Variants in CYTH1 observed in about 807,000 individuals in gnomAD.
The protein encoded by CYTH1 is cytohesin 1, also known as cytohesin-1.
Under a neutral mutation model 61.8 loss-of-function variants are expected in CYTH1, and 18 were observed. The ratio of observed to expected loss-of-function variants is 0.29; its 90% CI spans 0.20 to 0.43. CYTH1 has a LOEUF of 0.43. Ranked by LOEUF, CYTH1 falls within the 20% of genes least tolerant of loss-of-function variation. The probability of loss-of-function intolerance (pLI) is 1.00; values close to 1 mark genes in which losing one functional copy is unlikely to be tolerated. For missense variants in CYTH1, 336 were observed against 510.5 expected, an observed-to-expected ratio of 0.66 and a Z score of 3.29; for synonymous variants, 174 against 184.3, an observed-to-expected ratio of 0.94 and a Z score of 0.45.
chr17:78,761,382 G>A (rs571624025), intron 1 of CYTH1, among the ~76,000 whole-genome samples: 5 of 152,164 alleles, frequency 3.3e-5, no homozygotes, highest in African/African-American at 1.2e-4. Context: ...CCTTGGGAAC[G>A]TGATAATACA....
chr17:78,753,061 AGT>A lies in CYTH1; in HGVS notation c.22+29139_22+29140del, dbSNP rs371696356. 3.2e-3 allele frequency among the ~76,000 whole-genome samples: 480 copies of A among 152,278 alleles called. 1 individual carries two copies. Among genetic ancestry groups the A allele is most frequent in the African/African-American group, 0.011 (442 of 41,556 alleles). On this transcript the variant is annotated intron_variant, in intron 1 of 13. Transcript: ENST00000446868. ...CCCAAAGTCTTAAGGCACATGTATG[AGT>A]GAGTGTAGGGCAGGGTGGGAGAGGG... is the stretch of plus-strand genomic sequence containing the variant.
intron 1 of CYTH1, chr17:78,736,724 T>C: frequency 2.3e-6 from 1 of 425,884 alleles, no homozygotes; most frequent in South Asian, 1.7e-5. Context: ...GACCATCTTG[T>C]TTCCTTACAG....
intron 1 of CYTH1, among the ~76,000 whole-genome samples, chr17:78,724,684 C>T (rs1165692366): frequency 6.6e-6 from 1 of 152,170 alleles, no homozygotes; most frequent in Non-Finnish European, 1.5e-5. Context: ...GGTGGAAATC[C>T]TAAAAACACT....
intron 10 of CYTH1, among the ~76,000 whole-genome samples, chr17:78,695,772 C>A (rs2092932008): frequency 1.3e-5 from 2 of 152,138 alleles, no homozygotes; most frequent in Non-Finnish European, 2.9e-5. Context: ...TGTTTTCTTG[C>A]ATTACTGCAT....
chr17:78,688,328 C>T (rs1363003646), intron 11 of CYTH1, among the ~76,000 whole-genome samples: 1 of 152,220 alleles, frequency 6.6e-6, no homozygotes, highest in East Asian at 1.9e-4. Flanking sequence ...TCATGAACAT[C>T]CCCCTGAAAA....
intron 1 of CYTH1, among the ~76,000 whole-genome samples, chr17:78,739,539 C>T (rs917828337): frequency 2.6e-5 from 4 of 151,958 alleles, no homozygotes; most frequent in Admixed American, 2.0e-4. Flanking sequence ...AAGATATGGT[C>T]GCAGAGGTGA....
At chr17:78,721,628 C>A (rs980527942) in intron 1 of CYTH1, among the ~76,000 whole-genome samples, 1 of 152,198 alleles carries the variant, frequency 6.6e-6, no homozygotes. Context: ...CGTTCACAGG[C>A]GATGCTGCCT....
chr17:78,675,985 G>A lies in CYTH1; in HGVS notation c.*106C>T, dbSNP rs1013350716. 1.3e-5 allele frequency: 20 copies of A among 1,549,498 alleles called. No individual in the cohort carries two copies. Among genetic ancestry groups the A allele is most frequent in the African/African-American group, 1.1e-4 (8 of 73,088 alleles). Reference sequence around the variant, plus strand: ...AAGCTAGTCTCTAGGAATCCAGGGCGGGGCCTGGCAGAGGACGCTCTGCTC... The same window carrying A: ...AAGCTAGTCTCTAGGAATCCAGGGCAGGGCCTGGCAGAGGACGCTCTGCTC... On this transcript the variant is annotated 3_prime_UTR_variant, in exon 14 of 14. Coordinates refer to ENST00000446868, the MANE Select transcript of CYTH1 (RefSeq NM_004762.6).
chr17:78,684,645 C>T (rs998390414), intron 11 of CYTH1, among the ~76,000 whole-genome samples: 1 of 152,160 alleles, frequency 6.6e-6, no homozygotes, highest in Non-Finnish European at 1.5e-5. Context: ...TCCAATCACT[C>T]CTAAATTATC....
At chr17:78,776,020 T>C (rs1481616307) in intron 1 of CYTH1, among the ~76,000 whole-genome samples, 1 of 151,868 alleles carries the variant, frequency 6.6e-6, no homozygotes, top group Non-Finnish European at 1.5e-5. Context: ...CCGGGTGTGG[T>C]GGCACATGCC....
intron 11 of CYTH1, among the ~76,000 whole-genome samples, chr17:78,687,312 C>A (rs979299398): frequency 5.9e-5 from 9 of 152,074 alleles, no homozygotes; most frequent in African/African-American, 2.2e-4. Flanking sequence ...GAAAACACTG[C>A]TTCACAAAGA....
At chr17:78,709,529 G>A in intron 2 of CYTH1, 121 bp downstream of exon 2, 1 of 905,244 alleles carries the variant, frequency 1.1e-6, no homozygotes. Context: ...TTTGTGCAGA[G>A]CTGTAGTGAG....
chr17:78,727,928 G>C (rs1313923227), intron 1 of CYTH1: 1 of 323,424 alleles, frequency 3.1e-6, no homozygotes, highest in Non-Finnish European at 6.3e-6. Flanking sequence ...TGAGATCCAG[G>C]GCAGCACACC....
chr17:78,732,130 C>T (rs947711243), intron 1 of CYTH1, among the ~76,000 whole-genome samples: 7 of 152,190 alleles, frequency 4.6e-5, no homozygotes, highest in Non-Finnish European at 8.8e-5. Flanking sequence ...GTCCTCCCTT[C>T]GGCTGACCAC....
intron 1 of CYTH1, among the ~76,000 whole-genome samples, chr17:78,776,950 A>C (rs1382227982): frequency 1.3e-5 from 2 of 150,872 alleles, no homozygotes; most frequent in African/African-American, 4.9e-5. Context: ...ACATGGAGAA[A>C]CCCTGTCTCC....
intron 9 of CYTH1, 90 bp from the exon 10 acceptor site, chr17:78,696,099 C>T (rs1411651996): frequency 1.3e-5 from 17 of 1,352,144 alleles, no homozygotes; most frequent in South Asian, 1.2e-4. Flanking sequence ...AAATTAAACC[C>T]GATTCCTTAA....
chr17:78,747,387 C>T (rs1236035949), intron 1 of CYTH1, among the ~76,000 whole-genome samples: 3 of 152,038 alleles, frequency 2.0e-5, no homozygotes, highest in African/African-American at 4.8e-5. Context: ...CACTGCGGTC[C>T]CAATCTTGAA....
chr17:78,735,524 C>T (rs1158029951), intron 1 of CYTH1, among the ~76,000 whole-genome samples: 1 of 152,238 alleles, frequency 6.6e-6, no homozygotes, highest in Non-Finnish European at 1.5e-5. Context: ...CTACTGACCC[C>T]TCTTCAGATA....
intron 13 of CYTH1, 28 bp downstream of exon 13, chr17:78,680,162 G>C (rs540407961): frequency 9.9e-6 from 16 of 1,612,988 alleles, no homozygotes; most frequent in Admixed American, 3.3e-5. Flanking sequence ...CACCAGGCGC[G>C]CACTGCCCTT....
Sources: allele counts gnomAD v4.1 joint callset (sites outside exome capture counted in the v4.1 genomes callset), GRCh38; gene constraint gnomAD v4.1.1; transcripts MANE v1.5; gene names NCBI Gene and HGNC (gene_info 2026-07-23, HGNC 2026-07-21).